The following FHOD3 variants were observed in gnomAD, a reference collection of about 807,000 sequenced individuals.
The protein encoded by FHOD3 is formin homology 2 domain containing 3.
Under a neutral mutation model 173.0 loss-of-function variants are expected in FHOD3, and 90 were observed. The observed-to-expected ratio is 0.52, with a 90% CI of 0.44 to 0.62. The LOEUF (loss-of-function observed/expected upper bound fraction) is 0.62, where lower values mean the gene tolerates loss of function less well. Ranked by LOEUF, FHOD3 falls within the 20% of genes least tolerant of loss-of-function variation. The pLI is 0.00. For missense variants in FHOD3, 1,945 were observed against 2,034.7 expected (o/e 0.96, Z 0.85); for synonymous variants, 828 against 823.0 (o/e 1.01, Z -0.10).
At chr18:36,514,220 A>G (rs1019857506) in intron 5 of FHOD3, among the ~76,000 whole-genome samples, 2 of 151,988 alleles carry the variant, frequency 1.3e-5, no homozygotes, top group Admixed American at 6.6e-5. Flanking sequence ...CTTGTTAGCC[A>G]GGATGGTCTC....
At chr18:36,628,118 A>C (rs953459766) in intron 10 of FHOD3, among the ~76,000 whole-genome samples, 1 of 152,240 alleles carries the variant, frequency 6.6e-6, no homozygotes, top group African/African-American at 2.4e-5. Context: ...AAAAAAATAT[A>C]GGGCAGTCTC....
chr18:36,424,204 G>T (rs117395989), intron 3 of FHOD3, among the ~76,000 whole-genome samples: 2 of 152,028 alleles, frequency 1.3e-5, no homozygotes, highest in Non-Finnish European at 2.9e-5. Flanking sequence ...AAGCCTTTCC[G>T]ATGCCCACTT....
At chr18:36,366,990 C>T (rs1241327765) in intron 2 of FHOD3, among the ~76,000 whole-genome samples, 3 of 152,066 alleles carry the variant, frequency 2.0e-5, no homozygotes, top group African/African-American at 7.2e-5. Flanking sequence ...GTCTCTATAC[C>T]ACTCAATTAA....
In FHOD3 at chr18:36,776,209, A is replaced by G. The variant is rs540035846; in HGVS notation, c.4787-3239A>G. The stretch of plus-strand genomic sequence containing the variant: ...CCTTTTTTTTTTTTTTGCTTTCTGG[A>G]AACTTTCTGAGAGCCAGCTCCCTGG... On this transcript the variant is annotated intron_variant, in intron 28 of 28. Transcript: ENST00000590592. Among the ~76,000 whole-genome samples, 4 of 144,612 alleles carry G rather than the reference A, an allele frequency of 2.8e-5. No homozygotes were observed. The East Asian group carries it at 8.2e-4, about 30-fold the overall frequency. The allele number at this position is 144,612 out of a possible 152,430, so 94.9% of individuals were successfully genotyped here.
At chr18:36,443,069 A>G (rs1039642120) in intron 3 of FHOD3, among the ~76,000 whole-genome samples, 3 of 152,190 alleles carry the variant, frequency 2.0e-5, no homozygotes, top group Non-Finnish European at 4.4e-5. Flanking sequence ...TTCATTGTAT[A>G]TGGAGGTACG....
At chr18:36,520,021 C>G (rs936955363) in intron 5 of FHOD3, among the ~76,000 whole-genome samples, 1 of 144,462 alleles carries the variant, frequency 6.9e-6, no homozygotes, top group African/African-American at 2.6e-5. Flanking sequence ...TGCACTGTTG[C>G]AATCATAGCT....
intron 3 of FHOD3, among the ~76,000 whole-genome samples, chr18:36,480,951 A>T (rs1488067560): frequency 1.3e-5 from 2 of 150,308 alleles, no homozygotes; most frequent in African/African-American, 4.9e-5. Flanking sequence ...TTCTCTGGAA[A>T]CTCAGGCCAT....
chr18:36,779,299 G>C, intron 28 of FHOD3, 149 bp from the exon 29 acceptor site: 1 of 660,040 alleles, frequency 1.5e-6, no homozygotes, highest in South Asian at 1.9e-5. Flanking sequence ...ACTTCAGCAA[G>C]AGCAGGAAGG....
chr18:36,545,270 G>C (rs1217026658), intron 5 of FHOD3, among the ~76,000 whole-genome samples: 1 of 152,198 alleles, frequency 6.6e-6, no homozygotes, highest in Non-Finnish European at 1.5e-5. Context: ...CAAGATGATA[G>C]ACAAGGAACA....
intron 21 of FHOD3, among the ~76,000 whole-genome samples, chr18:36,742,123 A>T (rs2041931092): frequency 6.6e-6 from 1 of 152,146 alleles, no homozygotes; most frequent in Admixed American, 6.5e-5. Context: ...GGAGAGCCTC[A>T]GTCAAGACAA....
At chr18:36,687,937 A>G (rs1263687904) in intron 16 of FHOD3, among the ~76,000 whole-genome samples, 1 of 152,220 alleles carries the variant, frequency 6.6e-6, no homozygotes. Context: ...TAAGAAAAAC[A>G]TATATGAGAT....
chr18:36,557,289 A>G (rs2057925977), intron 5 of FHOD3, among the ~76,000 whole-genome samples: 1 of 152,120 alleles, frequency 6.6e-6, no homozygotes, highest in African/African-American at 2.4e-5. Context: ...CCAGTAACCA[A>G]TATGTGCTAC....
chr18:36,408,100 C>T (rs1274525938), intron 3 of FHOD3, among the ~76,000 whole-genome samples: 1 of 152,206 alleles, frequency 6.6e-6, no homozygotes, highest in African/African-American at 2.4e-5. Context: ...TGGGGCTACA[C>T]TGGATGACAG....
intron 18 of FHOD3, among the ~76,000 whole-genome samples, chr18:36,712,832 A>G (rs1216212417): frequency 6.8e-6 from 1 of 147,888 alleles, no homozygotes; most frequent in Non-Finnish European, 1.5e-5. Context: ...AAACTTATGA[A>G]AACTAAAGAC....
intron 18 of FHOD3, chr18:36,710,728 A>G (rs143548740): frequency 2.6e-5 from 4 of 152,356 alleles, no homozygotes; most frequent in African/African-American, 7.2e-5. Context: ...GGTATTATAT[A>G]TACTGATATT....
intron 1 of FHOD3, among the ~76,000 whole-genome samples, chr18:36,329,590 A>G (rs1272870118): frequency 6.6e-6 from 1 of 152,054 alleles, no homozygotes; most frequent in East Asian, 1.9e-4. Flanking sequence ...GGCTGCAGTG[A>G]TGGGGTAGGG....
At chr18:36,521,904 C>A (rs1305553014) in intron 5 of FHOD3, among the ~76,000 whole-genome samples, 1 of 152,186 alleles carries the variant, frequency 6.6e-6, no homozygotes, top group Non-Finnish European at 1.5e-5. Flanking sequence ...TCCTGCAGAC[C>A]TTGGCATCTG....
chr18:36,556,509 TTTTATC>T, intron 5 of FHOD3, among the ~76,000 whole-genome samples: 1 of 152,302 alleles, frequency 6.6e-6, no homozygotes, highest in Non-Finnish European at 1.5e-5. Flanking sequence ...ACACAACTGT[TTTTATC>T]TTTAACTTAT....
intron 6 of FHOD3, among the ~76,000 whole-genome samples, chr18:36,590,718 A>C (rs1008022634): frequency 6.6e-6 from 1 of 152,242 alleles, no homozygotes; most frequent in African/African-American, 2.4e-5. Context: ...ACAGTGCCAA[A>C]AAAGCTCCAA....
Sources: gnomAD v4.1 joint callset for allele counts (sites outside exome capture counted in the v4.1 genomes callset) on GRCh38, gnomAD v4.1.1 for gene constraint, MANE v1.5 for transcripts, NCBI Gene and HGNC (gene_info 2026-07-23, HGNC 2026-07-21) for gene names.